The following ZNF236 variants were observed in gnomAD, a reference collection of about 807,000 sequenced individuals.
ZNF236 encodes zinc finger protein 236, also known as regulated by glucose.
In ZNF236, 50 loss-of-function variants were observed where a neutral mutation model predicts 191.2. That is an observed-to-expected ratio of 0.26 (90% CI 0.21 to 0.33). The LOEUF (loss-of-function observed/expected upper bound fraction) is 0.33. Ranked by LOEUF, ZNF236 falls within the 10% of genes least tolerant of loss-of-function variation. ZNF236 has a pLI of 1.00. For missense variants in ZNF236, 1,754 were observed against 2,374.5 expected, an observed-to-expected ratio of 0.74 and a Z score of 5.43; for synonymous variants, 907 against 928.8, an observed-to-expected ratio of 0.98 and a Z score of 0.43.
intron 26 of ZNF236, among the ~76,000 whole-genome samples, chr18:76,942,812 C>T (rs1212921935): frequency 1.3e-5 from 2 of 150,554 alleles, no homozygotes; most frequent in Non-Finnish European, 3.0e-5. Context: ...CCACGCCCAG[C>T]CTAGTATTCT....
At chr18:76,836,577 A>G (rs931105414) in intron 1 of ZNF236, among the ~76,000 whole-genome samples, 2 of 150,606 alleles carry the variant, frequency 1.3e-5, no homozygotes, top group Admixed American at 6.6e-5. Context: ...TTATTTATTT[A>G]TTATTATTAT....
At chr18:76,924,045 T>C (rs896904451) in intron 21 of ZNF236, among the ~76,000 whole-genome samples, 4 of 152,214 alleles carry the variant, frequency 2.6e-5, no homozygotes, top group Admixed American at 6.5e-5. Flanking sequence ...TTCACACATT[T>C]ACCTGAAGCC....
At chr18:76,861,322 G>C (rs1036232811) in intron 3 of ZNF236, among the ~76,000 whole-genome samples, 2 of 152,150 alleles carry the variant, frequency 1.3e-5, no homozygotes, top group Non-Finnish European at 2.9e-5. Context: ...CTGAACCATG[G>C]TTTACAGTGA....
intron 19 of ZNF236, among the ~76,000 whole-genome samples, chr18:76,918,230 T>C (rs1388928261): frequency 6.6e-6 from 1 of 152,192 alleles, no homozygotes; most frequent in Admixed American, 6.5e-5. Context: ...TAGGAATGAA[T>C]ACTTATGCAT....
At chr18:76,907,695 T>C (rs1309552996) in intron 13 of ZNF236, among the ~76,000 whole-genome samples, 1 of 139,638 alleles carries the variant, frequency 7.2e-6, no homozygotes, top group Non-Finnish European at 1.6e-5. Flanking sequence ...GAGATTTTTT[T>C]CTTTTTTTTT....
At chr18:76,956,314 C>A in intron 28 of ZNF236, 132 bp downstream of exon 28, 1 of 1,032,962 alleles carries the variant, frequency 9.7e-7, no homozygotes, top group Non-Finnish European at 1.4e-6. Flanking sequence ...GAAAAGGTCA[C>A]TAGATGTAGA....
intron 25 of ZNF236, among the ~76,000 whole-genome samples, chr18:76,932,125 C>T (rs542679112): frequency 6.6e-6 from 1 of 152,172 alleles, no homozygotes; most frequent in East Asian, 1.9e-4. Flanking sequence ...TTGAAGAATC[C>T]ACAAGTGACT....
At chr18:76,889,526 C>T (rs147948253) in intron 9 of ZNF236, among the ~76,000 whole-genome samples, 3 of 152,252 alleles carry the variant, frequency 2.0e-5, no homozygotes, top group East Asian at 1.9e-4. Context: ...GCTAGGATCA[C>T]GTGGACCTCA....
chr18:76,924,209 T>C (rs1967615260), intron 21 of ZNF236, among the ~76,000 whole-genome samples: 1 of 152,222 alleles, frequency 6.6e-6, no homozygotes, highest in Non-Finnish European at 1.5e-5. Context: ...TTTGTGGATA[T>C]GGAGGGCCCG....
intron 25 of ZNF236, among the ~76,000 whole-genome samples, chr18:76,929,283 G>A (rs1649715776): frequency 6.6e-6 from 1 of 152,046 alleles, no homozygotes; most frequent in African/African-American, 2.4e-5. Flanking sequence ...TTTAGATGCT[G>A]TTGGACAGCA....
At chr18:76,939,930 C>T in intron 26 of ZNF236, among the ~76,000 whole-genome samples, 1 of 137,522 alleles carries the variant, frequency 7.3e-6, no homozygotes, top group East Asian at 2.3e-4. Context: ...GGTGGGCGAC[C>T]CTAGCACTGC....
In ZNF236 at chr18:76,908,452, G is replaced by A. The variant is rs759371892; in HGVS notation, c.2430G>A (p.Thr810=). 17 of 1,613,864 alleles carry A rather than the reference G, an allele frequency of 1.1e-5. No individual in the cohort carries two copies. Among genetic ancestry groups the A allele is most frequent in the East Asian group, 2.2e-5 (1 of 44,878 alleles). Residue 810 remains threonine, a synonymous_variant, in exon 14 of 31, where the codon ACG becomes ACA. Coordinates refer to ENST00000320610, the MANE Select transcript of ZNF236 (RefSeq NM_001306089.2). ...VEIESDELPQ[T]AEVVAANPEA... Reference sequence around the variant, plus strand: ...TCGAGAGCGACGAGCTGCCGCAGACGGCAGAGGTGGTCGCAGCGAACCCCG... The same window carrying A: ...TCGAGAGCGACGAGCTGCCGCAGACAGCAGAGGTGGTCGCAGCGAACCCCG...
At chr18:76,933,189 C>T (rs976657442) in intron 25 of ZNF236, among the ~76,000 whole-genome samples, 14 of 152,318 alleles carry the variant, frequency 9.2e-5, no homozygotes, top group African/African-American at 3.4e-4. Flanking sequence ...CCAGCCGAGG[C>T]CGGGCATGGT....
At position 76,829,956 on chromosome 18, in the gene ZNF236, C is replaced by T. The variant is rs541520457; in HGVS notation, c.55+7294C>T. On this transcript the variant is annotated intron_variant, in intron 1 of 30. Coordinates refer to ENST00000320610, the MANE Select transcript of ZNF236 (RefSeq NM_001306089.2). ...TGCGATCTCCACTCACTGCAACCTC[C>T]GTCTCCCGGGTTCAAGTGATTATCC... is the stretch of plus-strand genomic sequence containing the variant. 2.0e-4 allele frequency among the ~76,000 whole-genome samples: 30 copies of T among 152,286 alleles called. No individual in the cohort carries two copies. In the South Asian group the frequency reaches 4.1e-3, roughly 21 times the overall value.
chr18:76,954,515 C>T (rs1464497445), intron 27 of ZNF236, among the ~76,000 whole-genome samples: 1 of 152,210 alleles, frequency 6.6e-6, no homozygotes, highest in Non-Finnish European at 1.5e-5. Flanking sequence ...TTTTGACTCA[C>T]ATGGAATATA....
At chr18:76,922,248 G>T (rs1036439845) in intron 20 of ZNF236, among the ~76,000 whole-genome samples, 1 of 152,214 alleles carries the variant, frequency 6.6e-6, no homozygotes, top group Non-Finnish European at 1.5e-5. Flanking sequence ...CCGTGAGCCT[G>T]TGTGCCTCTG....
At position 76,908,461 on chromosome 18, in the gene ZNF236, G is replaced by A. The variant is rs866411119; in HGVS notation, c.2439G>A (p.Val813=). The A allele has an allele frequency of 6.2e-7, 1 of 1,614,218 alleles. No individual in the cohort carries two copies. The change falls in exon 14 of 31, where the codon GTG becomes GTA. Residue 813 remains valine, a synonymous_variant. Coordinates refer to ENST00000320610, the MANE Select transcript of ZNF236 (RefSeq NM_001306089.2). ...ESDELPQTAE[V]VAANPEAMLD... Reference sequence around the variant, plus strand: ...ACGAGCTGCCGCAGACGGCAGAGGTGGTCGCAGCGAACCCCGAGGCCATGC... The same window carrying A: ...ACGAGCTGCCGCAGACGGCAGAGGTAGTCGCAGCGAACCCCGAGGCCATGC...
rs1254716953 is a variant in ZNF236 at position 76,908,193 on chromosome 18, T to G, written c.2298-127T>G. On this transcript the variant is annotated intron_variant, in intron 13 of 30. Coordinates refer to ENST00000320610, the MANE Select transcript of ZNF236 (RefSeq NM_001306089.2). The stretch of plus-strand genomic sequence containing the variant: ...TCAGTTTTTACCTGAATTGCCATCA[T>G]GACTTCAAAATGAAATCATTAATAA... 3 of 1,295,040 alleles carry G rather than the reference T, an allele frequency of 2.3e-6. No individual in the cohort carries two copies. In the African/African-American group the frequency reaches 4.4e-5, roughly 19 times the overall value. The allele number at this position is 1,295,040 out of a possible 1,614,324, so 80.2% of individuals were successfully genotyped here.
chr18:76,924,003 A>G (rs1221646149), intron 21 of ZNF236, among the ~76,000 whole-genome samples: 3 of 152,166 alleles, frequency 2.0e-5, no homozygotes, highest in African/African-American at 7.2e-5. Context: ...GTTGGTTATA[A>G]GCAGAATTCA....
Sources: allele counts gnomAD v4.1 joint callset (sites outside exome capture counted in the v4.1 genomes callset), GRCh38; gene constraint gnomAD v4.1.1; transcripts MANE v1.5; gene names NCBI Gene and HGNC (gene_info 2026-07-23, HGNC 2026-07-21).